Variants in L3MBTL4 observed in about 807,000 individuals in gnomAD.
The protein encoded by L3MBTL4 is lethal(3)malignant brain tumor-like protein 4.
L3MBTL4 carries 70 observed loss-of-function variants against 84.5 expected under a neutral mutation model. The observed-to-expected ratio is 0.83, with a 90% CI of 0.68 to 1.01. The LOEUF (loss-of-function observed/expected upper bound fraction) is 1.01. L3MBTL4 is among the 50% of genes least tolerant of loss of function. L3MBTL4 has a pLI of 0.00. For synonymous variants in L3MBTL4, 274 were observed against 259.8 expected, an observed-to-expected ratio of 1.05 and a Z score of -0.52; for missense variants, 715 against 754.8, an observed-to-expected ratio of 0.95 and a Z score of 0.62.
At chr18:6,321,366 C>T (rs781094569) in intron 1 of L3MBTL4, among the ~76,000 whole-genome samples, 1 of 152,024 alleles carries the variant, frequency 6.6e-6, no homozygotes, top group Non-Finnish European at 1.5e-5. Flanking sequence ...CTACAAGGAA[C>T]ACAAACAAGT....
At chr18:6,017,243 G>C (rs184861670) in intron 16 of L3MBTL4, among the ~76,000 whole-genome samples, 2 of 152,204 alleles carry the variant, frequency 1.3e-5, no homozygotes, top group African/African-American at 4.8e-5. Flanking sequence ...ATGCAAAATG[G>C]ATTTAAATGC....
intron 13 of L3MBTL4, among the ~76,000 whole-genome samples, chr18:6,145,124 T>C (rs999781310): frequency 6.6e-6 from 1 of 152,212 alleles, no homozygotes; most frequent in Non-Finnish European, 1.5e-5. Context: ...AAGTTGCGTA[T>C]GTATTTCAGA....
At chr18:6,001,585 G>A (rs7242607) in intron 16 of L3MBTL4, among the ~76,000 whole-genome samples, 11,523 of 151,988 alleles carry the variant, frequency 0.076, 560 homozygotes, top group East Asian at 0.12. Flanking sequence ...AAAAAAATAC[G>A]TGGTATATGA....
chr18:6,264,372 T>C (rs1360690692), intron 4 of L3MBTL4, among the ~76,000 whole-genome samples: 1 of 152,232 alleles, frequency 6.6e-6, no homozygotes, highest in Non-Finnish European at 1.5e-5. Flanking sequence ...TAGCTAATTT[T>C]ACAGTTAATA....
At chr18:6,090,158 G>A (rs1305054259) in intron 15 of L3MBTL4, among the ~76,000 whole-genome samples, 1 of 152,068 alleles carries the variant, frequency 6.6e-6, no homozygotes, top group Admixed American at 6.5e-5. Flanking sequence ...GAATATATAT[G>A]GGTTTTCAGT....
intron 15 of L3MBTL4, among the ~76,000 whole-genome samples, chr18:6,089,726 T>C (rs1015599554): frequency 9.9e-5 from 15 of 152,198 alleles, no homozygotes; most frequent in African/African-American, 3.4e-4. Context: ...ATTAACACTA[T>C]GATGTACACA....
chr18:6,321,582 T>C (rs959945905), intron 1 of L3MBTL4, among the ~76,000 whole-genome samples: 2 of 152,116 alleles, frequency 1.3e-5, no homozygotes, highest in Admixed American at 6.5e-5. Context: ...AAAGAAGTCA[T>C]ATCAAAAAGA....
chr18:6,240,437 T>G (rs1286629103), intron 8 of L3MBTL4, among the ~76,000 whole-genome samples: 1 of 150,658 alleles, frequency 6.6e-6, no homozygotes, highest in African/African-American at 2.4e-5. Context: ...TAATTTAAAT[T>G]TATAATTTTA....
chr18:6,262,701 C>T (rs1038137083), intron 5 of L3MBTL4, among the ~76,000 whole-genome samples: 4 of 152,164 alleles, frequency 2.6e-5, no homozygotes, highest in African/African-American at 7.2e-5. Context: ...GTTAAGAATG[C>T]TGCTCTAGAT....
chr18:6,297,555 C>T (rs1471653475), intron 4 of L3MBTL4, among the ~76,000 whole-genome samples: 2 of 152,152 alleles, frequency 1.3e-5, no homozygotes, highest in Non-Finnish European at 2.9e-5. Flanking sequence ...TAAAAGTTTA[C>T]TCAGAAATAT....
In L3MBTL4 at chr18:6,150,885, G is replaced by C. The variant is rs116389023; in HGVS notation, c.1097-12589C>G. Among the ~76,000 whole-genome samples, 659 of 152,320 alleles carry C rather than the reference G, an allele frequency of 4.3e-3. 4 individuals are homozygous for C. Among genetic ancestry groups the C allele is most frequent in the Middle Eastern group, 0.017 (5 of 294 alleles). On this transcript the variant is annotated intron_variant, in intron 13 of 18. Transcript: ENST00000317931. ...TAAAGGCACTCCATTCAGAGAAGGA[G>C]AGAAAGCTCCCATGATACAGTCTAA... is the stretch of plus-strand genomic sequence containing the variant.
intron 16 of L3MBTL4, among the ~76,000 whole-genome samples, chr18:6,010,277 T>C (rs771141360): frequency 5.9e-5 from 9 of 151,888 alleles, no homozygotes; most frequent in Non-Finnish European, 8.8e-5. Flanking sequence ...CAAGTTGGAG[T>C]TTAGAGTTTA....
At chr18:6,020,325 G>A (rs528831539) in intron 16 of L3MBTL4, among the ~76,000 whole-genome samples, 9 of 152,012 alleles carry the variant, frequency 5.9e-5, no homozygotes, top group Non-Finnish European at 1.3e-4. Context: ...GGGAAAGCAG[G>A]TTCTGGAAAG....
At chr18:6,173,811 G>C (rs1489375851) in intron 12 of L3MBTL4, among the ~76,000 whole-genome samples, 1 of 152,114 alleles carries the variant, frequency 6.6e-6, no homozygotes, top group Non-Finnish European at 1.5e-5. Context: ...GTCCATGGGA[G>C]GTTATTCACA....
intron 4 of L3MBTL4, among the ~76,000 whole-genome samples, chr18:6,270,399 A>G (rs2048815737): frequency 6.6e-6 from 1 of 152,192 alleles, no homozygotes; most frequent in Non-Finnish European, 1.5e-5. Context: ...TCTCCCTCAC[A>G]CCGCATTTAC....
intron 15 of L3MBTL4, among the ~76,000 whole-genome samples, chr18:6,087,548 T>G (rs1462815453): frequency 6.6e-6 from 1 of 152,178 alleles, no homozygotes; most frequent in African/African-American, 2.4e-5. Context: ...TGGGATTTCC[T>G]GTCCAGCCAA....
intron 16 of L3MBTL4, among the ~76,000 whole-genome samples, chr18:6,037,765 G>A (rs980165380): frequency 5.9e-5 from 9 of 152,162 alleles, no homozygotes. Context: ...CAGGCTTAAA[G>A]GATTGTGGTT....
At chr18:6,344,440 G>A (rs2052770544) in intron 1 of L3MBTL4, among the ~76,000 whole-genome samples, 2 of 152,110 alleles carry the variant, frequency 1.3e-5, no homozygotes, top group South Asian at 2.1e-4. Context: ...TCACTTCGTT[G>A]GTAAATTCTA....
At chr18:6,205,501 T>TA (rs1326291091) in intron 12 of L3MBTL4, among the ~76,000 whole-genome samples, 29 of 152,244 alleles carry the variant, frequency 1.9e-4, no homozygotes, top group Non-Finnish European at 3.8e-4. Flanking sequence ...TGGTGGTTTG[T>TA]TGCACCTATC....
Sources: gnomAD v4.1 joint callset for allele counts (sites outside exome capture counted in the v4.1 genomes callset) on GRCh38, gnomAD v4.1.1 for gene constraint, MANE v1.5 for transcripts, NCBI Gene and HGNC (gene_info 2026-07-23, HGNC 2026-07-21) for gene names.